Variants in RERG observed in about 807,000 individuals in gnomAD.
RERG encodes the protein RAS like estrogen regulated growth inhibitor, also known as ras-related and estrogen-regulated growth inhibitor.
RERG carries 25 observed loss-of-function variants against 23.2 expected under a neutral mutation model. That is an observed-to-expected ratio of 1.08 (90% CI 0.79 to 1.50). The LOEUF is 1.50. Ranked by LOEUF, RERG falls within the 40% of genes most tolerant of loss-of-function variation. The pLI is 0.00. For synonymous variants in RERG, 81 were observed against 89.1 expected (o/e 0.91, Z 0.51); for missense variants, 253 against 250.1 (o/e 1.01, Z -0.08).
At chr12:15,149,806 T>A (rs1053761073) in intron 2 of RERG, among the ~76,000 whole-genome samples, 9 of 152,196 alleles carry the variant, frequency 5.9e-5, no homozygotes, top group Non-Finnish European at 1.3e-4. Context: ...AATAAAATAC[T>A]TTAAAGAAAA....
rs551798510 is a variant in RERG, at chr12:15,159,755, C to T, written c.62-38636G>A. Among the ~76,000 whole-genome samples, 5 of 152,264 alleles carry T rather than the reference C, an allele frequency of 3.3e-5. No individual in the cohort carries two copies. In the South Asian group the frequency reaches 8.3e-4, roughly 25 times the overall value. On this transcript the variant is annotated intron_variant, in intron 2 of 4. Coordinates refer to ENST00000256953, the MANE Select transcript of RERG (RefSeq NM_032918.3). ...AGGAGAATGGTGTGAACCCGGGAGGCGTAGCTTGCAGTGAGCCGAGATTGT... is the reference window on the plus strand; with the variant it reads ...AGGAGAATGGTGTGAACCCGGGAGGTGTAGCTTGCAGTGAGCCGAGATTGT...
chr12:15,126,128 C>CATATATATATATATATAT (rs67901734), intron 2 of RERG, among the ~76,000 whole-genome samples: 2,384 of 88,418 alleles, frequency 0.027, 122 homozygotes, highest in East Asian at 0.037. Flanking sequence ...TTGTATATAC[C>CATATATATATATATATAT]ATATATATAT....
Position 15,180,980 on chromosome 12 carries a change from T to C in RERG, c.61+36449A>G, listed in dbSNP as rs546981717. On this transcript the variant is annotated intron_variant, in intron 2 of 4. Transcript: ENST00000256953. The stretch of plus-strand genomic sequence containing the variant: ...CAAATGATTAATAGCAGCAATTCTA[T>C]TGCATCCAGACATTCATTTTTCCAA... Among the ~76,000 whole-genome samples, 6 of 152,350 alleles carry C rather than the reference T, an allele frequency of 3.9e-5. No individual in the cohort carries two copies. In the East Asian group the frequency reaches 7.7e-4, roughly 20 times the overall value.
At chr12:15,128,712 G>C (rs2136093935) in intron 2 of RERG, among the ~76,000 whole-genome samples, 1 of 152,268 alleles carries the variant, frequency 6.6e-6, no homozygotes, top group East Asian at 1.9e-4. Flanking sequence ...AGATAAAATA[G>C]GAGTAATGTG....
intron 2 of RERG, among the ~76,000 whole-genome samples, chr12:15,196,561 C>A (rs1025849256): frequency 1.3e-5 from 2 of 152,110 alleles, no homozygotes; most frequent in Non-Finnish European, 1.5e-5. Flanking sequence ...AGACTGTAGA[C>A]CTTGCACCAA....
intron 2 of RERG, among the ~76,000 whole-genome samples, chr12:15,190,453 G>A (rs1865054973): frequency 6.6e-6 from 1 of 152,086 alleles, no homozygotes; most frequent in Non-Finnish European, 1.5e-5. Flanking sequence ...GGAATGTCTT[G>A]GGGTGCTCAG....
chr12:15,120,807 G>A (rs2136088151), intron 3 of RERG, among the ~76,000 whole-genome samples: 1 of 152,274 alleles, frequency 6.6e-6, no homozygotes, highest in East Asian at 1.9e-4. Flanking sequence ...TGAGGGAAGT[G>A]TGTTGTACCC....
rs1223833292 is a variant in RERG at position 15,110,222 on chromosome 12, C to T, written c.193-705G>A. ...ATGATTTGAAAAAACATTGCTTTCCCGGGTTCAAATGACTTCTGGAGGCAT... is the reference window on the plus strand; with the variant it reads ...ATGATTTGAAAAAACATTGCTTTCCTGGGTTCAAATGACTTCTGGAGGCAT... On this transcript the variant is annotated intron_variant, in intron 4 of 4. Transcript: ENST00000256953. Among the ~76,000 whole-genome samples the T allele has an allele frequency of 2.0e-5, 3 of 152,022 alleles. No homozygotes were observed. The East Asian group carries it at 5.8e-4, about 29-fold the overall frequency.
At chr12:15,172,097 A>C (rs10846157) in intron 2 of RERG, among the ~76,000 whole-genome samples, 43,291 of 151,976 alleles carry the variant, frequency 0.28, 7,602 homozygotes, top group African/African-American at 0.5. Flanking sequence ...ATTTTCATCA[A>C]CAAAAAGAAA....
At chr12:15,161,865 T>C (rs1481207549) in intron 2 of RERG, among the ~76,000 whole-genome samples, 2 of 152,170 alleles carry the variant, frequency 1.3e-5, no homozygotes, top group South Asian at 2.1e-4. Flanking sequence ...TCCCAAAACA[T>C]ACAAAGTATA....
chr12:15,203,558 A>G (rs762385818), intron 2 of RERG, among the ~76,000 whole-genome samples: 1 of 151,762 alleles, frequency 6.6e-6, no homozygotes, highest in African/African-American at 2.4e-5. Flanking sequence ...CAGTACTGGA[A>G]GTCCTAACCA....
intron 2 of RERG, among the ~76,000 whole-genome samples, chr12:15,145,068 T>G (rs987759102): frequency 3.9e-5 from 6 of 152,214 alleles, no homozygotes; most frequent in Non-Finnish European, 7.3e-5. Context: ...AGAGCACAGA[T>G]GCAAAGAGAA....
At chr12:15,193,707 T>C (rs771232943) in intron 2 of RERG, among the ~76,000 whole-genome samples, 16 of 152,056 alleles carry the variant, frequency 1.1e-4, no homozygotes, top group Admixed American at 2.0e-4. Context: ...GGAACAAGAG[T>C]GCTGTACTTA....
At chr12:15,134,859 C>T (rs936255600) in intron 2 of RERG, among the ~76,000 whole-genome samples, 1 of 152,166 alleles carries the variant, frequency 6.6e-6, no homozygotes, top group Admixed American at 6.5e-5. Context: ...GATCTGCCCA[C>T]CTCAGCTGCC....
At chr12:15,204,716 C>T (rs1274347765) in intron 2 of RERG, among the ~76,000 whole-genome samples, 1 of 151,820 alleles carries the variant, frequency 6.6e-6, no homozygotes, top group Non-Finnish European at 1.5e-5. Flanking sequence ...ACTCCTATAG[C>T]ATTTATGGCC....
At chr12:15,153,245 G>A (rs1174993571) in intron 2 of RERG, among the ~76,000 whole-genome samples, 6 of 152,200 alleles carry the variant, frequency 3.9e-5, no homozygotes, top group African/African-American at 1.4e-4. Flanking sequence ...CTGGGGAGTT[G>A]TGATGGGTGC....
At chr12:15,125,333 A>C (rs1863918773) in intron 2 of RERG, among the ~76,000 whole-genome samples, 1 of 151,998 alleles carries the variant, frequency 6.6e-6, no homozygotes, top group African/African-American at 2.4e-5. Context: ...TCCTATGTTT[A>C]TTTATAATAA....
chr12:15,161,219 A>AAAGAAAGAAAGG (rs1864609401), intron 2 of RERG, among the ~76,000 whole-genome samples: 1 of 125,088 alleles, frequency 8.0e-6, no homozygotes, highest in Non-Finnish European at 1.8e-5. Flanking sequence ...AGAAAGAAAG[A>AAAGAAAGAAAGG]AAGAAAGAAA....
At chr12:15,134,120 A>C (rs918143679) in intron 2 of RERG, among the ~76,000 whole-genome samples, 1 of 152,034 alleles carries the variant, frequency 6.6e-6, no homozygotes, top group African/African-American at 2.4e-5. Context: ...TTTAGAAATT[A>C]TTTCTTTCAT....
Sources: allele counts gnomAD v4.1 joint callset (sites outside exome capture counted in the v4.1 genomes callset), GRCh38; gene constraint gnomAD v4.1.1; transcripts MANE v1.5; gene names NCBI Gene and HGNC (gene_info 2026-07-23, HGNC 2026-07-21).